The following PGLS variants were observed in gnomAD, a reference collection of about 807,000 sequenced individuals.
The protein encoded by PGLS is epididymis secretory protein Li 304.
In PGLS, 21 loss-of-function variants were observed where a neutral mutation model predicts 23.2. The observed-to-expected ratio is 0.91, with a 90% CI of 0.64 to 1.31. The LOEUF (loss-of-function observed/expected upper bound fraction) is 1.31, where lower values mean the gene tolerates loss of function less well. Among genes scored for constraint, PGLS ranks in the 50% most tolerant of loss-of-function variants. The probability of loss-of-function intolerance (pLI) is 0.00; values close to 1 mark genes in which losing one functional copy is unlikely to be tolerated. For synonymous variants in PGLS, 179 were observed against 165.4 expected (o/e 1.08, Z -0.63); for missense variants, 410 against 354.0 (o/e 1.16, Z -1.27).
chr19:17,516,769 A>G (rs1160193292), intron 2 of PGLS, among the ~76,000 whole-genome samples: 1 of 148,418 alleles, frequency 6.7e-6, no homozygotes, highest in African/African-American at 2.5e-5. Flanking sequence ...GTATTTTTTT[A>G]GTAGAGACGG....
chr19:17,519,314 CA>C (rs58361133), intron 4 of PGLS, among the ~76,000 whole-genome samples: 89 of 137,632 alleles, frequency 6.5e-4, no homozygotes, highest in South Asian at 4.5e-3. Context: ...AACTCAGTCT[CA>C]AAAAAAAAAA....
In PGLS at chr19:17,517,318, G is replaced by A. The variant is rs141353536; in HGVS notation, c.427G>A (p.Asp143Asn). 1,126 of 1,613,826 alleles carry A rather than the reference G, an allele frequency of 7.0e-4. 2 individuals are homozygous for A. Among genetic ancestry groups the A allele is most frequent in the Middle Eastern group, 3.8e-3 (23 of 6,054 alleles). Residue 143 changes from aspartate (D) to asparagine (N), a missense_variant, in exon 3 of 5, where the codon GAC (aspartate) becomes AAC (asparagine). By Grantham distance (23) the Asp-to-Asn change is conservative. Transcript: ENST00000252603. ...AFQGDSIPVF[D>N]LLILGVGPDG... The stretch of plus-strand genomic sequence containing the variant: ...CCAAGGGGACTCCATCCCGGTTTTC[G>A]ACCTGCTGATCCTGGGGGTGGGCCC...
intron 1 of PGLS, among the ~76,000 whole-genome samples, chr19:17,513,512 T>TTA (rs751363518): frequency 2.2e-5 from 3 of 137,846 alleles, no homozygotes; most frequent in African/African-American, 8.1e-5. Flanking sequence ...GTCTTAAAGA[T>TTA]AAAAAAAAAA....
intron 3 of PGLS, 61 bp from the exon 4 acceptor site, chr19:17,517,649 G>A: frequency 6.3e-7 from 1 of 1,580,152 alleles, no homozygotes; most frequent in South Asian, 1.1e-5. Flanking sequence ...GTGTGTGTAA[G>A]TGTCCAAGAA....
intron 1 of PGLS, among the ~76,000 whole-genome samples, chr19:17,515,408 T>A (rs908721534): frequency 6.6e-6 from 1 of 151,636 alleles, no homozygotes; most frequent in Non-Finnish European, 1.5e-5. Context: ...CCAGGGCCCC[T>A]GGGGCGCCTC....
intron 1 of PGLS, chr19:17,512,184 G>A (rs1426438244): frequency 4.0e-6 from 2 of 505,380 alleles, no homozygotes; most frequent in Non-Finnish European, 6.8e-6. Flanking sequence ...GCGCCCACCG[G>A]TTGCCCTCGG....
intron 1 of PGLS, among the ~76,000 whole-genome samples, chr19:17,514,157 C>G (rs747603537): frequency 6.6e-6 from 1 of 152,206 alleles, no homozygotes; most frequent in Non-Finnish European, 1.5e-5. Context: ...AGTCTGAAAT[C>G]AAGGTGTTGG....
rs1362031797 is a variant in PGLS, at chr19:17,521,043, C to G, written c.739C>G (p.Leu247Val). The change falls in exon 5 of 5, where the codon CTC (leucine) becomes GTC (valine). Residue 247 changes from leucine to valine, a missense_variant. By Grantham distance (32) the Leu-to-Val change is conservative. Coordinates refer to ENST00000252603, the MANE Select transcript of PGLS (RefSeq NM_012088.3). ...CWFLDEAAAR[L>V]LTVPFEKHST... The stretch of plus-strand genomic sequence containing the variant: ...GTTCTTGGACGAGGCGGCCGCCCGC[C>G]TCCTGACCGTGCCCTTCGAGAAGCA... 2 of 1,603,132 alleles carry G rather than the reference C, an allele frequency of 1.2e-6. No homozygotes were observed. The highest frequency in any genetic ancestry group is 3.4e-5 in the Admixed American group (2 of 59,382).
chr19:17,515,244 G>T (rs2075527150), intron 1 of PGLS, among the ~76,000 whole-genome samples: 1 of 152,094 alleles, frequency 6.6e-6, no homozygotes, highest in African/African-American at 2.4e-5. Flanking sequence ...GCTCCCCAAT[G>T]CCCTCAGTGT....
At chr19:17,519,270 T>C (rs2075546800) in intron 4 of PGLS, among the ~76,000 whole-genome samples, 1 of 146,742 alleles carries the variant, frequency 6.8e-6, no homozygotes, top group Non-Finnish European at 1.5e-5. Context: ...GCCGAGATCA[T>C]GCCATTGCAC....
At chr19:17,516,782 T>C (rs150589721) in intron 2 of PGLS, among the ~76,000 whole-genome samples, 91,295 of 150,854 alleles carry the variant, frequency 0.61, 28,354 homozygotes, top group African/African-American at 0.75. Flanking sequence ...AGAGACGGGG[T>C]TTCACCATGT....
rs144001600 is a variant in PGLS at position 17,519,760 on chromosome 19, C to T, written c.640-1184C>T. 2.9e-3 allele frequency among the ~76,000 whole-genome samples: 438 copies of T among 152,230 alleles called. 2 individuals are homozygous for T. The highest frequency in any genetic ancestry group is 0.01 in the African/African-American group (426 of 41,538). On this transcript the variant is annotated intron_variant, in intron 4 of 4. Coordinates refer to ENST00000252603, the MANE Select transcript of PGLS (RefSeq NM_012088.3). ...TATGTATATATTGTCTGCAGCTGTT[C>T]TGGGGCCAGAACTGCAGAGCTGAGT...
chr19:17,518,450 T>C (rs531487060), intron 4 of PGLS: 3 of 152,280 alleles, frequency 2.0e-5, no homozygotes, highest in African/African-American at 7.2e-5. Flanking sequence ...ACTAAATAAT[T>C]AAAAAGGTTT....
intron 1 of PGLS, among the ~76,000 whole-genome samples, chr19:17,513,960 G>A (rs975653250): frequency 6.6e-6 from 1 of 152,226 alleles, no homozygotes; most frequent in African/African-American, 2.4e-5. Context: ...TGGTCAAGCT[G>A]TGGCAAGAGG....
At position 17,521,148 on chromosome 19, in the gene PGLS, C is replaced by T; in HGVS notation, c.*67C>T. ...CATGGGGCTGGGCCCCTGCTGGCCG[C>T]CACTCTCCGGGCTCTCCTTTCAAAA... is the stretch of plus-strand genomic sequence containing the variant. On this transcript the variant is annotated 3_prime_UTR_variant, in exon 5 of 5. Transcript: ENST00000252603. The T allele has an allele frequency of 7.0e-7, 1 of 1,433,306 alleles. No individual in the cohort carries two copies. Among genetic ancestry groups the T allele is most frequent in the Non-Finnish European group, 9.3e-7 (1 of 1,078,818 alleles). The allele number at this position is 1,433,306 out of a possible 1,614,324, so 88.8% of individuals were successfully genotyped here.
intron 4 of PGLS, 73 bp from the exon 5 acceptor site, chr19:17,520,871 G>T: frequency 7.0e-7 from 1 of 1,428,616 alleles, no homozygotes. Context: ...TCCTTGGTTG[G>T]GGAGCCAGGA....
chr19:17,515,659 G>A (rs1287490239), intron 1 of PGLS: 1 of 154,416 alleles, frequency 6.5e-6, no homozygotes, highest in Non-Finnish European at 1.4e-5. Flanking sequence ...AGGGAGGGTG[G>A]GGATGGAGAA....
chr19:17,516,453 C>T (rs1040743314), intron 2 of PGLS, 173 bp downstream of exon 2: 3 of 1,406,118 alleles, frequency 2.1e-6, no homozygotes, highest in African/African-American at 2.9e-5. Flanking sequence ...AGCCTGAAGG[C>T]CACTCGGCCT....
At position 17,517,787 on chromosome 19, in the gene PGLS, C is replaced by G. The variant is rs917181491; in HGVS notation, c.576C>G (p.Val192=). The G allele has an allele frequency of 6.2e-7, 1 of 1,614,044 alleles. No homozygotes were observed. The highest frequency in any genetic ancestry group is 1.3e-5 in the African/African-American group (1 of 74,920). ...AGCGTGTGACCCTCACACTACCTGTCCTGAATGCAGCACGAACTGTCATCT... is the reference window on the plus strand; with the variant it reads ...AGCGTGTGACCCTCACACTACCTGTGCTGAATGCAGCACGAACTGTCATCT... ...PPQRVTLTLP[V]LNAARTVIFV... Residue 192 remains valine, a synonymous_variant, in exon 4 of 5, where the codon GTC becomes GTG. Coordinates refer to ENST00000252603, the MANE Select transcript of PGLS (RefSeq NM_012088.3).
Sources: allele counts gnomAD v4.1 joint callset (sites outside exome capture counted in the v4.1 genomes callset), GRCh38; gene constraint gnomAD v4.1.1; transcripts MANE v1.5; gene names NCBI Gene and HGNC (gene_info 2026-07-23, HGNC 2026-07-21).